The following ZSCAN22 variants were observed in gnomAD, a reference collection of about 807,000 sequenced individuals.
ZSCAN22 encodes zinc finger and SCAN domain containing 22.
Under a neutral mutation model 12.4 loss-of-function variants are expected in ZSCAN22, and 7 were observed. That is an observed-to-expected ratio of 0.57 (90% CI 0.32 to 1.06). ZSCAN22 has a LOEUF of 1.06. ZSCAN22 is among the 50% of genes least tolerant of loss of function. ZSCAN22 has a pLI of 0.04. For missense variants in ZSCAN22, 576 were observed against 631.7 expected (o/e 0.91, Z 0.94); for synonymous variants, 243 against 255.9 (o/e 0.95, Z 0.48).
chr19:58,335,194 T>C lies in ZSCAN22; in HGVS notation c.392T>C (p.Leu131Pro), dbSNP rs143238789. The change falls in exon 2 of 3, where the codon CTG becomes CCG. Residue 131 changes from leucine to proline, a missense_variant. By Grantham distance (98) the Leu-to-Pro change is moderately conservative. Transcript: ENST00000329665. The surrounding 1 kb of genome is among the most constrained non-coding windows in gnomAD (Gnocchi z 4.1). Reference sequence around the variant, plus strand: ...CTGGTGGAGGATCTGACTCAGGTGCTGGACAAGAGAGGTAAAGGGGCGCCG... The same window carrying C: ...CTGGTGGAGGATCTGACTCAGGTGCCGGACAAGAGAGGTAAAGGGGCGCCG... Reference protein sequence around the residue: ...AVLVEDLTQVLDKRGWDPGAE... With the variant: ...AVLVEDLTQVPDKRGWDPGAE... 12 of 1,598,366 alleles carry C rather than the reference T, an allele frequency of 7.5e-6. No individual in the cohort carries two copies. The East Asian group carries it at 2.5e-4, about 33-fold the overall frequency.
Position 58,339,775 on chromosome 19 carries a change from A to G in ZSCAN22, c.*449A>G, listed in dbSNP as rs1218952215. ...CCCAGAACGGACACCTGCCATGCCC[A>G]CCTCTGTGCCTTGGCACCTACTATT... On this transcript the variant is annotated 3_prime_UTR_variant, in exon 3 of 3. Coordinates refer to ENST00000329665, the MANE Select transcript of ZSCAN22 (RefSeq NM_181846.3). The surrounding 1 kb of genome is among the most constrained non-coding windows in gnomAD (Gnocchi z 5.6). 1 of 161,342 alleles carries G rather than the reference A, an allele frequency of 6.2e-6. No individual in the cohort carries two copies. The highest frequency in any genetic ancestry group is 1.8e-4 in the East Asian group (1 of 5,412). 10.0% of individuals were successfully genotyped at this position (161,342 alleles called of 1,614,324 possible).
chr19:58,332,939 G>C (rs529120138), intron 1 of ZSCAN22, among the ~76,000 whole-genome samples: 2 of 152,344 alleles, frequency 1.3e-5, no homozygotes, highest in East Asian at 3.9e-4. Context: ...GAGGATTACA[G>C]TTTCTCCATA....
chr19:58,336,862 G>C (rs77052313), intron 2 of ZSCAN22, among the ~76,000 whole-genome samples: 1,588 of 152,348 alleles, frequency 0.01, 34 homozygotes, highest in African/African-American at 0.036. Flanking sequence ...GGGAGACTGA[G>C]TCCCAGATGA....
At chr19:58,333,290 GTTTA>G (rs1327850460) in intron 1 of ZSCAN22, among the ~76,000 whole-genome samples, 14 of 152,118 alleles carry the variant, frequency 9.2e-5, no homozygotes, top group African/African-American at 3.4e-4. Flanking sequence ...ATAAAGTCCA[GTTTA>G]TTTATTTTTT....
chr19:58,327,987 AT>A (rs1371578745), intron 1 of ZSCAN22, among the ~76,000 whole-genome samples: 1 of 152,058 alleles, frequency 6.6e-6, no homozygotes, highest in African/African-American at 2.4e-5. Context: ...AGTAGCTGGG[AT>A]TACAGGCACC....
intron 1 of ZSCAN22, among the ~76,000 whole-genome samples, chr19:58,332,160 C>T (rs773486193): frequency 1.8e-4 from 27 of 151,970 alleles, no homozygotes; most frequent in African/African-American, 6.0e-4. Flanking sequence ...CGTGAGCCAC[C>T]GCGCCTGGCC....
chr19:58,328,702 G>A (rs990022835), intron 1 of ZSCAN22, among the ~76,000 whole-genome samples: 6 of 152,152 alleles, frequency 3.9e-5, no homozygotes, highest in African/African-American at 9.7e-5. Flanking sequence ...TTCAGAGACC[G>A]TCATGAGGGA....
In ZSCAN22 at chr19:58,339,241, A is replaced by G. The variant is rs766597413; in HGVS notation, c.1391A>G (p.Tyr464Cys). The change falls in exon 3 of 3, where the codon TAT becomes TGT. Residue 464 changes from tyrosine (Y) to cysteine (C), a missense_variant. Coordinates refer to ENST00000329665, the MANE Select transcript of ZSCAN22 (RefSeq NM_181846.3). The surrounding 1 kb of genome is among the most constrained non-coding windows in gnomAD (Gnocchi z 5.6). ...HQRIHTGEKP[Y>C]KCSDCGKAFS... ...AGGATCCACACGGGAGAGAAGCCTT[A>G]TAAGTGCAGCGACTGTGGGAAGGCC... The G allele has an allele frequency of 7.4e-6, 12 of 1,614,226 alleles. No individual in the cohort carries two copies. Among genetic ancestry groups the G allele is most frequent in the East Asian group, 2.2e-5 (1 of 44,870 alleles).
intron 1 of ZSCAN22, among the ~76,000 whole-genome samples, chr19:58,327,423 A>C (rs909867885): frequency 6.6e-6 from 1 of 152,132 alleles, no homozygotes; most frequent in African/African-American, 2.4e-5. Context: ...GGACCGACGG[A>C]GAATGTGTCG....
In ZSCAN22 at chr19:58,330,285, G is replaced by A. The variant is rs185075608; in HGVS notation, c.-52+3171G>A. Among the ~76,000 whole-genome samples the A allele has an allele frequency of 2.0e-3, 308 of 152,244 alleles. 1 individual carries two copies. Among genetic ancestry groups the A allele is most frequent in the Non-Finnish European group, 3.5e-3 (236 of 68,002 alleles). ...AGCCTGGGCGACAAAGCAAGACTCC[G>A]TCTGGAGAAAAAAAGAATTTTTTCA... On this transcript the variant is annotated intron_variant, in intron 1 of 2. Transcript: ENST00000329665.
chr19:58,334,904 C>T lies in ZSCAN22; in HGVS notation c.102C>T (p.Gly34=), dbSNP rs375567321. 122 of 1,613,942 alleles carry T rather than the reference C, an allele frequency of 7.6e-5. No homozygotes were observed. Among genetic ancestry groups the T allele is most frequent in the Non-Finnish European group, 9.6e-5 (113 of 1,180,044 alleles). ...AAGAGGAAGCCAGCCTCTCCCAGGG[C>T]GGAGAATCCAGCCATGACCACATTG... ...EEEEEASLSQ[G]GESSHDHIAH... The change falls in exon 2 of 3, where the codon GGC becomes GGT. Residue 34 remains glycine (G), a synonymous_variant. Coordinates refer to ENST00000329665, the MANE Select transcript of ZSCAN22 (RefSeq NM_181846.3).
Position 58,335,770 on chromosome 19 carries a change from G to A in ZSCAN22, c.403+565G>A, listed in dbSNP as rs535918517. Reference sequence around the variant, plus strand: ...GCCTGGGGTGGCTGTTGGGGGTGACGGAAATACCAGATGTCCCTGTGTACC... The same window carrying A: ...GCCTGGGGTGGCTGTTGGGGGTGACAGAAATACCAGATGTCCCTGTGTACC... On this transcript the variant is annotated intron_variant, in intron 2 of 2. Coordinates refer to ENST00000329665, the MANE Select transcript of ZSCAN22 (RefSeq NM_181846.3). This position sits in a 1 kb window ranked among gnomAD's most constrained non-coding sequence, Gnocchi z 4.1. Among the ~76,000 whole-genome samples, 23 of 152,362 alleles carry A rather than the reference G, an allele frequency of 1.5e-4. No homozygotes were observed. In the South Asian group the frequency reaches 2.7e-3, roughly 18 times the overall value.
chr19:58,328,119 G>A (rs997203976), intron 1 of ZSCAN22, among the ~76,000 whole-genome samples: 2 of 152,182 alleles, frequency 1.3e-5, no homozygotes, highest in African/African-American at 4.8e-5. Flanking sequence ...CCAAAGTGCT[G>A]GGATTATAGG....
intron 1 of ZSCAN22, among the ~76,000 whole-genome samples, chr19:58,332,185 A>C (rs2051734865): frequency 6.8e-6 from 1 of 147,110 alleles, no homozygotes; most frequent in South Asian, 2.1e-4. Context: ...GAACATTTTT[A>C]TCATCCCCAA....
chr19:58,332,743 A>G (rs1189922808), intron 1 of ZSCAN22, among the ~76,000 whole-genome samples: 1 of 152,126 alleles, frequency 6.6e-6, no homozygotes, highest in Non-Finnish European at 1.5e-5. Flanking sequence ...TTTTGCTGTT[A>G]TGAGTAATGC....
At position 58,335,562 on chromosome 19, in the gene ZSCAN22, C is replaced by A. The variant is rs2051787085; in HGVS notation, c.403+357C>A. On this transcript the variant is annotated intron_variant, in intron 2 of 2. Coordinates refer to ENST00000329665, the MANE Select transcript of ZSCAN22 (RefSeq NM_181846.3). This position sits in a 1 kb window ranked among gnomAD's most constrained non-coding sequence, Gnocchi z 4.1. ...TCTTTCCAAAGGGGTTAAAGATAGC[C>A]AGGAACCCCAGGCTTATGTCTTACC... Among the ~76,000 whole-genome samples, 1 of 152,110 alleles carries A rather than the reference C, an allele frequency of 6.6e-6. No individual in the cohort carries two copies. Among genetic ancestry groups the A allele is most frequent in the Non-Finnish European group, 1.5e-5 (1 of 68,010 alleles).
rs368168100 is a variant in ZSCAN22, at chr19:58,338,982, C to T, written c.1132C>T (p.Arg378Trp). Residue 378 changes from arginine to tryptophan, a missense_variant, in exon 3 of 3, where the codon CGG becomes TGG. By Grantham distance (101) the Arg-to-Trp change is moderately radical. Transcript: ENST00000329665. This position sits in a 1 kb window ranked among gnomAD's most constrained non-coding sequence, Gnocchi z 5.4. The stretch of plus-strand genomic sequence containing the variant: ...GCACCAGCGGGTGCACACGGGGGAG[C>T]GGCCCTACGAGTGTGACGCGTGTGG... ...TQHQRVHTGE[R>W]PYECDACGKA... The T allele has an allele frequency of 2.5e-5, 41 of 1,612,700 alleles. No homozygotes were observed. The highest frequency in any genetic ancestry group is 4.0e-5 in the African/African-American group (3 of 74,742).
rs993560084 is a variant in ZSCAN22 at position 58,338,096 on chromosome 19, T to C, written c.404-158T>C. Among the ~76,000 whole-genome samples, 1 of 152,228 alleles carries C rather than the reference T, an allele frequency of 6.6e-6. No homozygotes were observed. Among genetic ancestry groups the C allele is most frequent in the African/African-American group, 2.4e-5 (1 of 41,462 alleles). On this transcript the variant is annotated intron_variant, in intron 2 of 2. Coordinates refer to ENST00000329665, the MANE Select transcript of ZSCAN22 (RefSeq NM_181846.3). The surrounding 1 kb of genome is among the most constrained non-coding windows in gnomAD (Gnocchi z 5.4). ...TGGGAGGACAGCCCTGCACCCTTTG[T>C]CATCCAAGACACCAAATGAGAAACT...
intron 1 of ZSCAN22, among the ~76,000 whole-genome samples, chr19:58,334,114 G>C (rs998998307): frequency 6.6e-6 from 1 of 152,216 alleles, no homozygotes; most frequent in African/African-American, 2.4e-5. Flanking sequence ...CTGGGGAACA[G>C]AGGGAGAAAG....
Sources: allele counts gnomAD v4.1 joint callset (sites outside exome capture counted in the v4.1 genomes callset), GRCh38; gene constraint gnomAD v4.1.1; non-coding constraint Gnocchi (gnomAD v3.1); transcripts MANE v1.5; gene names NCBI Gene and HGNC (gene_info 2026-07-23, HGNC 2026-07-21).